KHDC1: variants seen among roughly 807,000 people sequenced by gnomAD.
The protein encoded by KHDC1 is KH homology domain-containing protein 1.
A neutral mutation model predicts 24.7 loss-of-function variants in KHDC1; 21 were observed. That is an observed-to-expected ratio of 0.85 (90% CI 0.60 to 1.23). KHDC1 has a LOEUF of 1.23. KHDC1 is among the 50% of genes most tolerant of loss of function. The pLI is 0.00. For missense variants in KHDC1, 274 were observed against 298.5 expected (o/e 0.92, Z 0.61); for synonymous variants, 98 against 111.7 (o/e 0.88, Z 0.77).
intron 2 of KHDC1, among the ~76,000 whole-genome samples, chr6:73,248,785 A>T (rs1766722665): frequency 6.6e-6 from 1 of 152,124 alleles, no homozygotes; most frequent in African/African-American, 2.4e-5. Flanking sequence ...TTAAGTGCCA[A>T]CCATCTGACT....
intron 1 of KHDC1, among the ~76,000 whole-genome samples, chr6:73,293,634 T>C (rs902140588): frequency 6.6e-6 from 1 of 151,706 alleles, no homozygotes; most frequent in African/African-American, 2.4e-5. Context: ...TAGCAAAGCA[T>C]GGTGGCACAT....
At chr6:73,301,401 A>G (rs1319823491) in intron 1 of KHDC1, 2 of 152,044 alleles carry the variant, frequency 1.3e-5, no homozygotes, top group East Asian at 1.9e-4. Context: ...ATATGCTCCA[A>G]TTTTTCACTA....
chr6:73,292,503 AT>A, intron 1 of KHDC1: 1 of 770,116 alleles, frequency 1.3e-6, no homozygotes. Flanking sequence ...TTAAAGCAGA[AT>A]TGGGATGCAG....
At chr6:73,298,131 A>C (rs1400398574) in intron 1 of KHDC1, among the ~76,000 whole-genome samples, 1 of 152,042 alleles carries the variant, frequency 6.6e-6, no homozygotes, top group African/African-American at 2.4e-5. Context: ...CAGAGGTTGC[A>C]GTGAAGGTGA....
intron 2 of KHDC1, among the ~76,000 whole-genome samples, chr6:73,272,593 G>T (rs922587192): frequency 6.6e-6 from 1 of 151,750 alleles, no homozygotes; most frequent in Non-Finnish European, 1.5e-5. Flanking sequence ...TAGCCAACAT[G>T]GTAAGACCCT....
chr6:73,254,225 C>T (rs543349101), intron 2 of KHDC1, among the ~76,000 whole-genome samples: 11 of 151,994 alleles, frequency 7.2e-5, no homozygotes, highest in Admixed American at 2.0e-4. Context: ...TTTGGGAGGC[C>T]GAGGCGGGTG....
At chr6:73,292,410 A>G (rs1446747082) in intron 1 of KHDC1, 6 of 778,298 alleles carry the variant, frequency 7.7e-6, no homozygotes, top group Admixed American at 1.7e-5. Context: ...GCAGCAGAAT[A>G]TCTTTATTTT....
At chr6:73,282,168 A>C (rs558746499) in intron 2 of KHDC1, among the ~76,000 whole-genome samples, 1 of 145,968 alleles carries the variant, frequency 6.9e-6, no homozygotes, top group East Asian at 2.0e-4. Flanking sequence ...TAGTGAGCCA[A>C]GATTACACCA....
chr6:73,257,972 G>A (rs184785120), intron 2 of KHDC1, among the ~76,000 whole-genome samples: 3 of 152,158 alleles, frequency 2.0e-5, no homozygotes, highest in Admixed American at 2.0e-4. Context: ...AAAATAAATT[G>A]TGCCAGGCAC....
chr6:73,254,919 G>A (rs1047296672), intron 2 of KHDC1, among the ~76,000 whole-genome samples: 2 of 151,650 alleles, frequency 1.3e-5, no homozygotes, highest in Non-Finnish European at 2.9e-5. Flanking sequence ...GGAGAATGGC[G>A]TGGCCCCGGG....
At position 73,295,880 on chromosome 6, in the gene KHDC1, G is replaced by A. The variant is rs147754467; in HGVS notation, c.164-3840C>T. 4.9e-3 allele frequency among the ~76,000 whole-genome samples: 740 copies of A among 151,294 alleles called. 15 individuals carry two copies. The highest frequency in any genetic ancestry group is 0.046 in the South Asian group (219 of 4,746). ...AAAAAGGCGGGGCACGGTGGCTCAC[G>A]CCTGTTATCCCAGCACTCTGGGAGG... On this transcript the variant is annotated intron_variant, in intron 1 of 4. Transcript: ENST00000370384.
At chr6:73,246,282 G>A (rs745487239) in intron 2 of KHDC1, among the ~76,000 whole-genome samples, 2 of 152,134 alleles carry the variant, frequency 1.3e-5, no homozygotes, top group Non-Finnish European at 2.9e-5. Flanking sequence ...AGCCACTTGA[G>A]CTGATTTAAC....
intron 2 of KHDC1, among the ~76,000 whole-genome samples, chr6:73,279,872 G>T (rs1208441735): frequency 2.6e-5 from 4 of 151,618 alleles, no homozygotes; most frequent in Non-Finnish European, 5.9e-5. Context: ...CACCTTGCCC[G>T]GCCAAGATGA....
intron 2 of KHDC1, among the ~76,000 whole-genome samples, chr6:73,261,736 AC>A (rs1171173103): frequency 6.6e-6 from 1 of 151,484 alleles, no homozygotes; most frequent in Non-Finnish European, 1.5e-5. Flanking sequence ...AGGTGGTGAA[AC>A]CCCGTCTCTG....
intron 1 of KHDC1, among the ~76,000 whole-genome samples, chr6:73,293,660 T>A (rs923861391): frequency 6.6e-6 from 1 of 151,948 alleles, no homozygotes; most frequent in East Asian, 1.9e-4. Flanking sequence ...TAATTACAGC[T>A]ACTTGGGAGG....
intron 2 of KHDC1, among the ~76,000 whole-genome samples, chr6:73,287,268 C>T (rs918659047): frequency 6.6e-6 from 1 of 152,028 alleles, no homozygotes; most frequent in Non-Finnish European, 1.5e-5. Context: ...ATAGCAATTG[C>T]GATGATAGCC....
chr6:73,271,713 G>A (rs565655372), intron 2 of KHDC1, among the ~76,000 whole-genome samples: 1 of 150,966 alleles, frequency 6.6e-6, no homozygotes, highest in Non-Finnish European at 1.5e-5. Context: ...GGCCAACATG[G>A]TGAAACCCCT....
intron 2 of KHDC1, among the ~76,000 whole-genome samples, chr6:73,287,521 T>TA (rs1327778041): frequency 2.6e-5 from 4 of 152,292 alleles, no homozygotes; most frequent in Non-Finnish European, 4.4e-5. Context: ...TTTCCAGACA[T>TA]ACGCCAGTTT....
intron 2 of KHDC1, chr6:73,291,189 A>G (rs566128096): frequency 3.4e-4 from 161 of 478,438 alleles, no homozygotes; most frequent in African/African-American, 3.0e-3. Flanking sequence ...TGGAGCACTT[A>G]GCCTACCATG....
Sources: gnomAD v4.1 joint callset for allele counts (sites outside exome capture counted in the v4.1 genomes callset) on GRCh38, gnomAD v4.1.1 for gene constraint, MANE v1.5 for transcripts, NCBI Gene and HGNC (gene_info 2026-07-23, HGNC 2026-07-21) for gene names.